The following TMPRSS7 variants were observed in gnomAD, a reference collection of about 807,000 sequenced individuals.
TMPRSS7 encodes transmembrane serine protease 7, also known as transmembrane protease serine 7.
Under a neutral mutation model 95.6 loss-of-function variants are expected in TMPRSS7, and 81 were observed. The observed-to-expected ratio is 0.85, with a 90% CI of 0.71 to 1.02. The LOEUF (loss-of-function observed/expected upper bound fraction) is 1.02. Ranked by LOEUF, TMPRSS7 falls within the 50% of genes least tolerant of loss-of-function variation. The probability of loss-of-function intolerance (pLI) is 0.00; values close to 1 mark genes in which losing one functional copy is unlikely to be tolerated. For missense variants in TMPRSS7, 945 were observed against 955.2 expected (o/e 0.99, Z 0.14); for synonymous variants, 364 against 337.8 (o/e 1.08, Z -0.85).
chr3:112,063,576 C>T, exon 12 of TMPRSS7: 1 of 1,614,042 alleles, frequency 6.2e-7, no homozygotes, highest in Non-Finnish European at 8.5e-7. Context: ...GTCCCTCAGG[C>T]CCAGCGTTGT....
At chr3:112,060,922 C>A (rs916631391) in intron 10 of TMPRSS7, among the ~76,000 whole-genome samples, 3 of 152,148 alleles carry the variant, frequency 2.0e-5, no homozygotes. Flanking sequence ...AAGTGTTAAT[C>A]TGGGGAACTA....
intron 1 of TMPRSS7, 113 bp downstream of exon 1, chr3:112,035,006 T>C: frequency 1.6e-6 from 1 of 644,348 alleles, no homozygotes; most frequent in South Asian, 1.8e-5. Flanking sequence ...AATAAAATAT[T>C]TTATCTTCTT....
intron 10 of TMPRSS7, among the ~76,000 whole-genome samples, chr3:112,061,020 C>G (rs1008363638): frequency 1.3e-5 from 2 of 152,174 alleles, no homozygotes; most frequent in African/African-American, 4.8e-5. Flanking sequence ...CTTCCCACAA[C>G]AATTACCCCC....
chr3:112,051,625 C>CATCTATCTATCT (rs10546402), intron 9 of TMPRSS7, among the ~76,000 whole-genome samples: 36 of 142,558 alleles, frequency 2.5e-4, no homozygotes, highest in Admixed American at 6.4e-4. Context: ...CTATCTCTAT[C>CATCTATCTATCT]ATCTATCTAT....
intron 7 of TMPRSS7, among the ~76,000 whole-genome samples, chr3:112,049,628 T>C (rs189713234): frequency 1.3e-5 from 2 of 152,278 alleles, no homozygotes; most frequent in African/African-American, 4.8e-5. Context: ...GAGAATTCTC[T>C]GGTAGAGGTT....
chr3:112,054,729 C>CTTTTTTTTTTTTTT lies in TMPRSS7; in HGVS notation c.1204-2280_1204-2267dup, dbSNP rs1161735611. Among the ~76,000 whole-genome samples the CTTTTTTTTTTTTTT allele has an allele frequency of 2.7e-3, 130 of 49,026 alleles. 51 individuals carry two copies. The highest frequency in any genetic ancestry group is 7.0e-3 in the East Asian group (8 of 1,136). 32.2% of individuals were successfully genotyped at this position (49,026 alleles called of 152,430 possible). ...AACATATTTACTATCTCTCAGTTTGCTTTTTTTTTTTTTTTTTTTTTTTTT... is the reference window on the plus strand; with the variant it reads ...AACATATTTACTATCTCTCAGTTTGCTTTTTTTTTTTTTTTTTTTTTTTTTTTTTTTTTTTTTTT... On this transcript the variant is annotated intron_variant, in intron 9 of 17. Transcript: ENST00000452346.
intron 13 of TMPRSS7, 45 bp from the exon 14 acceptor site, chr3:112,074,251 T>C: frequency 1.4e-6 from 2 of 1,381,122 alleles, no homozygotes; most frequent in Non-Finnish European, 2.1e-6. Flanking sequence ...CACTCAAGTT[T>C]GTTTCTGGCT....
rs10546402 is a variant in TMPRSS7, at chr3:112,051,625, CATCTATCT to C, written c.1203+878_1203+885del. ...ATCTCTATTATCTATCTATCTCTAT[CATCTATCT>C]ATCTATCTATCTATCTATCTATCTA... On this transcript the variant is annotated intron_variant, in intron 9 of 17. Coordinates refer to ENST00000452346, the Ensembl canonical transcript of TMPRSS7. Among the ~76,000 whole-genome samples, 386 of 142,530 alleles carry C rather than the reference CATCTATCT, an allele frequency of 2.7e-3. 2 individuals are homozygous for C. The highest frequency in any genetic ancestry group is 9.2e-3 in the African/African-American group (345 of 37,548). The allele number at this position is 142,530 out of a possible 152,430, so 93.5% of individuals were successfully genotyped here.
chr3:112,052,970 A>G (rs1453522790), intron 9 of TMPRSS7, among the ~76,000 whole-genome samples: 1 of 152,078 alleles, frequency 6.6e-6, no homozygotes, highest in African/African-American at 2.4e-5. Context: ...CCCAGTGAGC[A>G]AGTGAGGAGT....
At chr3:112,069,938 C>G (rs1167459546) in intron 13 of TMPRSS7, among the ~76,000 whole-genome samples, 1 of 152,136 alleles carries the variant, frequency 6.6e-6, no homozygotes, top group African/African-American at 2.4e-5. Context: ...GATTTTAGAT[C>G]TTTCCTGCTT....
At chr3:112,058,362 C>A (rs1183788480) in intron 10 of TMPRSS7, among the ~76,000 whole-genome samples, 1 of 152,138 alleles carries the variant, frequency 6.6e-6, no homozygotes, top group Non-Finnish European at 1.5e-5. Context: ...GTCAGAAGAC[C>A]TGGGTTCAAG....
rs551210298 is a variant in TMPRSS7, at chr3:112,050,422, C to T, written c.1091-249C>T. 2.7e-5 allele frequency among the ~76,000 whole-genome samples: 4 copies of T among 148,342 alleles called. No homozygotes were observed. The East Asian group carries it at 8.2e-4, about 30-fold the overall frequency. ...ATGTTTTTAAAGAGAGTAATAGCAT[C>T]TTGCAGATCTGCAGCCAAAACATAT... On this transcript the variant is annotated intron_variant, in intron 8 of 17. Transcript: ENST00000452346.
chr3:112,062,030 G>C, intron 11 of TMPRSS7, 107 bp downstream of exon 11: 1 of 739,012 alleles, frequency 1.4e-6, no homozygotes, highest in Non-Finnish European at 1.9e-6. Flanking sequence ...CTTTATTTCT[G>C]CTATTTCCTT....
At chr3:112,062,494 G>C (rs2073521710) in intron 11 of TMPRSS7, among the ~76,000 whole-genome samples, 1 of 152,220 alleles carries the variant, frequency 6.6e-6, no homozygotes, top group African/African-American at 2.4e-5. Flanking sequence ...GTAATGACAT[G>C]CTCAGGAAAT....
exon 9 of TMPRSS7, chr3:112,050,770 C>A: frequency 3.1e-6 from 5 of 1,593,136 alleles, no homozygotes; most frequent in Non-Finnish European, 4.3e-6. Flanking sequence ...TGCAAGTGTA[C>A]CTGGAAATTT....
chr3:112,080,874 G>A, intron 17 of TMPRSS7, 40 bp from the exon 18 acceptor site: 1 of 1,570,688 alleles, frequency 6.4e-7, no homozygotes, highest in Non-Finnish European at 8.6e-7. Flanking sequence ...GATGATCATG[G>A]GACCAATTTA....
Position 112,072,026 on chromosome 3 carries a change from G to A in TMPRSS7, c.1667-2270G>A, listed in dbSNP as rs189228085. Among the ~76,000 whole-genome samples the A allele has an allele frequency of 1.5e-4, 23 of 152,260 alleles. No individual in the cohort carries two copies. The East Asian group carries it at 3.7e-3, about 24-fold the overall frequency. ...TGCATTCCTTTGAAGGAGAAGAGGC[G>A]CTCTGGTTTTTAGAATTTTCAGCTT... On this transcript the variant is annotated intron_variant, in intron 13 of 17. Transcript: ENST00000452346.
In TMPRSS7 at chr3:112,066,628, A is replaced by G. The variant is rs1039549900; in HGVS notation, c.1666+126A>G. ...GTCCCAGGTTCTCTGGAACTTCTCC[A>G]GTTTTAGCACTGAAAGTCCCTTGTC... On this transcript the variant is annotated intron_variant, in intron 13 of 17. Coordinates refer to ENST00000452346, the Ensembl canonical transcript of TMPRSS7. 9 of 801,812 alleles carry G rather than the reference A, an allele frequency of 1.1e-5. No individual in the cohort carries two copies. The Admixed American group carries it at 2.2e-4, about 19-fold the overall frequency. The allele number at this position is 801,812 out of a possible 1,614,324, so 49.7% of individuals were successfully genotyped here. A position where few individuals can be genotyped will look rare whatever the true frequency, so the allele number is the denominator to read the frequency against.
intron 6 of TMPRSS7, 138 bp downstream of exon 6, chr3:112,047,150 C>A: frequency 4.7e-6 from 3 of 636,930 alleles, no homozygotes; most frequent in Non-Finnish European, 8.4e-6. Flanking sequence ...GCCTTAAGCA[C>A]AAAAGAAACT....
Sources: allele counts gnomAD v4.1 joint callset (sites outside exome capture counted in the v4.1 genomes callset), GRCh38; gene constraint gnomAD v4.1.1; transcripts MANE v1.5; gene names NCBI Gene and HGNC (gene_info 2026-07-23, HGNC 2026-07-21).